WNK2: variants seen among roughly 807,000 people sequenced by gnomAD.
WNK2 encodes WNK lysine deficient protein kinase 2.
Under a neutral mutation model 192.1 loss-of-function variants are expected in WNK2, and 67 were observed. The ratio of observed to expected loss-of-function variants is 0.35; its 90% CI spans 0.29 to 0.43. The LOEUF (loss-of-function observed/expected upper bound fraction) is 0.43, where lower values mean the gene tolerates loss of function less well. WNK2 is among the 20% of genes least tolerant of loss of function. The probability of loss-of-function intolerance (pLI) is 1.00; values close to 1 mark genes in which losing one functional copy is unlikely to be tolerated. For missense variants in WNK2, 2,698 were observed against 3,089.7 expected (o/e 0.87, Z 3.01); for synonymous variants, 1,439 against 1,393.9 (o/e 1.03, Z -0.72).
chr9:93,219,284 G>A (rs536816042), intron 2 of WNK2, among the ~76,000 whole-genome samples: 2 of 152,366 alleles, frequency 1.3e-5, no homozygotes, highest in South Asian at 2.1e-4. Flanking sequence ...TGCCGTGGGC[G>A]GGGCTGGCCA....
intron 28 of WNK2, 141 bp from the exon 29 acceptor site, chr9:93,317,379 C>T: frequency 2.7e-6 from 2 of 744,982 alleles, no homozygotes; most frequent in Non-Finnish European, 4.5e-6. Context: ...GGTGTCAGCC[C>T]TGAGAGGGTG....
intron 2 of WNK2, among the ~76,000 whole-genome samples, chr9:93,214,697 GCCCCC>G (rs371026822): frequency 2.5e-5 from 2 of 80,224 alleles, no homozygotes; most frequent in South Asian, 3.9e-4. Flanking sequence ...TGAAGGTAGT[GCCCCC>G]CCCCCCCCCG....
At chr9:93,271,934 C>T (rs1005044690) in intron 19 of WNK2, among the ~76,000 whole-genome samples, 1 of 152,204 alleles carries the variant, frequency 6.6e-6, no homozygotes, top group Non-Finnish European at 1.5e-5. Context: ...ATAGATTTCT[C>T]GCCAGAAAGT....
chr9:93,189,777 C>T lies in WNK2; in HGVS notation c.681+4167C>T, dbSNP rs987334173. ...AGGCAGGCGTTCTGCATGTCATGGG[C>T]CACGCAGCCTTAGGCCAGGGTTTGG... On this transcript the variant is annotated intron_variant, in intron 2 of 29. Transcript: ENST00000427277. Among the ~76,000 whole-genome samples the T allele has an allele frequency of 2.0e-5, 3 of 152,376 alleles. No homozygotes were observed. The South Asian group carries it at 6.2e-4, about 32-fold the overall frequency.
chr9:93,233,981 G>C (rs1455259336), intron 4 of WNK2, among the ~76,000 whole-genome samples: 8 of 152,146 alleles, frequency 5.3e-5, no homozygotes, highest in Non-Finnish European at 1.2e-4. Context: ...TTATTATAGA[G>C]AATAGAGAAA....
At chr9:93,197,025 C>G (rs185213176) in intron 2 of WNK2, among the ~76,000 whole-genome samples, 2 of 152,336 alleles carry the variant, frequency 1.3e-5, no homozygotes, top group East Asian at 3.9e-4. Context: ...ACCCCAGCTC[C>G]CTACCCTCTG....
intron 23 of WNK2, among the ~76,000 whole-genome samples, chr9:93,293,476 C>G (rs201161523): frequency 1.3e-5 from 2 of 152,102 alleles, no homozygotes; most frequent in East Asian, 1.9e-4. Flanking sequence ...CCTGCCACCA[C>G]GCCCGGTTGA....
intron 16 of WNK2, among the ~76,000 whole-genome samples, chr9:93,265,553 A>G (rs1241317878): frequency 4.6e-5 from 7 of 152,224 alleles, no homozygotes; most frequent in Non-Finnish European, 7.3e-5. Context: ...CGCAGCACAA[A>G]CACCAGGTCC....
chr9:93,236,628 C>T (rs564527364), intron 5 of WNK2, among the ~76,000 whole-genome samples: 3 of 152,356 alleles, frequency 2.0e-5, no homozygotes, highest in South Asian at 2.1e-4. Context: ...CTTCTGAGTC[C>T]GGTTGCAGGG....
intron 5 of WNK2, 120 bp from the exon 6 acceptor site, chr9:93,238,113 C>A: frequency 1.3e-6 from 1 of 794,770 alleles, no homozygotes; most frequent in Non-Finnish European, 2.1e-6. Context: ...GTAGTTTGTG[C>A]AGGTTAAGTC....
intron 2 of WNK2, among the ~76,000 whole-genome samples, chr9:93,197,026 C>T (rs1423789462): frequency 6.6e-6 from 1 of 152,234 alleles, no homozygotes; most frequent in Admixed American, 6.5e-5. Context: ...CCCCAGCTCC[C>T]TACCCTCTGT....
chr9:93,250,282 C>A (rs117881994), intron 8 of WNK2, among the ~76,000 whole-genome samples: 1,621 of 152,256 alleles, frequency 0.011, 16 homozygotes, highest in Non-Finnish European at 0.019. Context: ...ACAGGCACGC[C>A]CAGCCTGCAT....
chr9:93,229,916 G>C lies in WNK2; in HGVS notation c.854+48G>C. Reference sequence around the variant, plus strand: ...TGGGGCGGGTCCTGGCATGGGTGCAGGGCTACCATAGCTGAGGGTGAGGTC... The same window carrying C: ...TGGGGCGGGTCCTGGCATGGGTGCACGGCTACCATAGCTGAGGGTGAGGTC... On this transcript the variant is annotated intron_variant, in intron 3 of 29. Transcript: ENST00000427277. This position sits in a 1 kb window ranked among gnomAD's most constrained non-coding sequence, Gnocchi z 4.9. 3 of 1,591,284 alleles carry C rather than the reference G, an allele frequency of 1.9e-6. No homozygotes were observed. The highest frequency in any genetic ancestry group is 1.7e-6 in the Non-Finnish European group (2 of 1,166,564).
chr9:93,263,861 G>A lies in WNK2; in HGVS notation c.3580-56G>A, dbSNP rs149888245. ...GGGGTACTTGGGGGTGTGTGGGGGT[G>A]TGGCGGGTGCACGTGTGGGTACGCC... On this transcript the variant is annotated intron_variant, in intron 15 of 29. Transcript: ENST00000427277. 4,898 of 1,431,840 alleles carry A rather than the reference G, an allele frequency of 3.4e-3. 235 individuals are homozygous for A. The African/African-American group carries it at 0.065, about 19-fold the overall frequency. 88.7% of individuals were successfully genotyped at this position (1,431,840 alleles called of 1,614,324 possible). A position where few individuals can be genotyped will look rare whatever the true frequency, so the allele number is the denominator to read the frequency against.
Position 93,289,283 on chromosome 9 carries a change from C to T in WNK2, c.4529C>T (p.Ala1510Val), listed in dbSNP as rs765683015. The T allele has an allele frequency of 4.4e-6, 7 of 1,599,276 alleles. No individual in the cohort carries two copies. Among genetic ancestry groups the T allele is most frequent in the Non-Finnish European group, 6.0e-6 (7 of 1,174,326 alleles). Residue 1510 changes from alanine to valine, a missense_variant, in exon 20 of 30, where the codon GCC becomes GTC. By Grantham distance (64) the Ala-to-Val change is moderately conservative (BLOSUM62 0). Transcript: ENST00000427277. ...GCCGCAGTGGGGGCCGTCAGCCTGGCCACCTCCCAGCTCCCAAGCCCACCC... is the reference window on the plus strand; with the variant it reads ...GCCGCAGTGGGGGCCGTCAGCCTGGTCACCTCCCAGCTCCCAAGCCCACCC... Reference protein sequence around the residue: ...LPAAVGAVSLATSQLPSPPLG... With the variant: ...LPAAVGAVSLVTSQLPSPPLG...
chr9:93,293,864 CCT>C (rs1849781915), intron 23 of WNK2, among the ~76,000 whole-genome samples: 1 of 151,848 alleles, frequency 6.6e-6, no homozygotes, highest in Non-Finnish European at 1.5e-5. Flanking sequence ...TCCTTCTCTC[CCT>C]GTCTCGCTTC....
intron 19 of WNK2, among the ~76,000 whole-genome samples, chr9:93,270,227 C>G (rs1399977681): frequency 1.3e-5 from 2 of 152,204 alleles, no homozygotes; most frequent in African/African-American, 4.8e-5. Flanking sequence ...ATCTCAGCCC[C>G]TCATTAGGAC....
At chr9:93,256,576 C>T (rs1241378822) in intron 10 of WNK2, 122 bp downstream of exon 10, 1 of 1,253,726 alleles carries the variant, frequency 8.0e-7, no homozygotes, top group African/African-American at 1.5e-5. Context: ...TGTGGTTCCC[C>T]CAGGTCTTTG....
At position 93,285,285 on chromosome 9, in the gene WNK2, A is replaced by T. The variant is rs548160648; in HGVS notation, c.4034-3503A>T. 7.9e-5 allele frequency among the ~76,000 whole-genome samples: 12 copies of T among 152,316 alleles called. No individual in the cohort carries two copies. The South Asian group carries it at 2.3e-3, about 29-fold the overall frequency. Reference sequence around the variant, plus strand: ...ATGGTATTAAAACAATTACTGTTTTAAAAAGTGATAAGGATTGGAAAGGAA... The same window carrying T: ...ATGGTATTAAAACAATTACTGTTTTTAAAAGTGATAAGGATTGGAAAGGAA... On this transcript the variant is annotated intron_variant, in intron 19 of 29. Coordinates refer to ENST00000427277, the MANE Select transcript of WNK2 (RefSeq NM_006648.4).
Sources: gnomAD v4.1 joint callset for allele counts (sites outside exome capture counted in the v4.1 genomes callset) on GRCh38, gnomAD v4.1.1 for gene constraint, Gnocchi (gnomAD v3.1) non-coding constraint, MANE v1.5 for transcripts, NCBI Gene and HGNC (gene_info 2026-07-23, HGNC 2026-07-21) for gene names.